FAM107B: variants seen among roughly 807,000 people sequenced by gnomAD.
The protein encoded by FAM107B is family with sequence similarity 107 member B, also known as protein FAM107B.
A neutral mutation model predicts 31.5 loss-of-function variants in FAM107B; 21 were observed. The ratio of observed to expected loss-of-function variants is 0.67; its 90% CI spans 0.47 to 0.96. The LOEUF (loss-of-function observed/expected upper bound fraction) is 0.96. FAM107B is among the 40% of genes least tolerant of loss of function. FAM107B has a pLI of 0.00. For synonymous variants in FAM107B, 157 were observed against 141.5 expected, an observed-to-expected ratio of 1.11 and a Z score of -0.78; for missense variants, 452 against 377.1, an observed-to-expected ratio of 1.20 and a Z score of -1.64.
chr10:14,587,465 C>T (rs765369570), intron 2 of FAM107B, among the ~76,000 whole-genome samples: 27 of 152,178 alleles, frequency 1.8e-4, no homozygotes, highest in Non-Finnish European at 3.4e-4. Context: ...AGTTCTCATA[C>T]ATTTAAATAA....
At chr10:14,761,651 G>T (rs1833049857) in intron 1 of FAM107B, among the ~76,000 whole-genome samples, 1 of 152,032 alleles carries the variant, frequency 6.6e-6, no homozygotes, top group South Asian at 2.1e-4. Context: ...CCAGGCTGGA[G>T]TGCAGTGGTG....
In FAM107B at chr10:14,739,489, G is replaced by T. The variant is rs763218515; in HGVS notation, c.411+34764C>A. On this transcript the variant is annotated intron_variant, in intron 1 of 4. Transcript: ENST00000181796. Reference sequence around the variant, plus strand: ...TCCAGCTTTCTTCTGATAACAGCACGTTGGGGAAACTTACTGCCTCAGCTC... The same window carrying T: ...TCCAGCTTTCTTCTGATAACAGCACTTTGGGGAAACTTACTGCCTCAGCTC... Among the ~76,000 whole-genome samples the T allele has an allele frequency of 1.6e-4, 25 of 152,306 alleles. 1 individual carries two copies. In the East Asian group the frequency reaches 4.0e-3, roughly 25 times the overall value.
At chr10:14,582,948 G>C (rs10906705) in intron 2 of FAM107B, among the ~76,000 whole-genome samples, 1 of 151,728 alleles carries the variant, frequency 6.6e-6, no homozygotes, top group Non-Finnish European at 1.5e-5. Context: ...TAGCCGGGCA[G>C]AGTGGCGTGC....
At chr10:14,697,802 A>C (rs759264657) in intron 1 of FAM107B, among the ~76,000 whole-genome samples, 4 of 152,190 alleles carry the variant, frequency 2.6e-5, no homozygotes, top group Non-Finnish European at 5.9e-5. Flanking sequence ...ATGGTGACCC[A>C]GCCCCAACTC....
chr10:14,641,726 C>T (rs1853633163), intron 2 of FAM107B, among the ~76,000 whole-genome samples: 1 of 152,228 alleles, frequency 6.6e-6, no homozygotes, highest in Non-Finnish European at 1.5e-5. Flanking sequence ...CCCAAATGCC[C>T]TATCTCCAAA....
intron 2 of FAM107B, among the ~76,000 whole-genome samples, chr10:14,560,328 A>C (rs1436940619): frequency 1.3e-5 from 2 of 152,182 alleles, no homozygotes; most frequent in Admixed American, 1.3e-4. Context: ...CTTTCTGTAA[A>C]AACTAAACCA....
rs553169502 is a variant in FAM107B, at chr10:14,531,984, C to T, written c.470-1469G>A. 8.9e-4 allele frequency among the ~76,000 whole-genome samples: 135 copies of T among 152,310 alleles called. 2 individuals are homozygous for T. The South Asian group carries it at 0.018, about 20-fold the overall frequency. On this transcript the variant is annotated intron_variant, in intron 2 of 4. Coordinates refer to ENST00000181796, the MANE Select transcript of FAM107B (RefSeq NM_031453.4). Reference sequence around the variant, plus strand: ...ACTTGGCTCCAAATAAATCTAACTGCGATTTCTCTAAGTTTTAGTGCTTGT... The same window carrying T: ...ACTTGGCTCCAAATAAATCTAACTGTGATTTCTCTAAGTTTTAGTGCTTGT...
At chr10:14,563,279 C>T (rs186444163) in intron 2 of FAM107B, among the ~76,000 whole-genome samples, 11 of 152,288 alleles carry the variant, frequency 7.2e-5, no homozygotes, top group African/African-American at 2.6e-4. Context: ...AAGCAATGTG[C>T]TGATCACACA....
intron 2 of FAM107B, among the ~76,000 whole-genome samples, chr10:14,578,024 ATG>A (rs1851517749): frequency 6.6e-6 from 1 of 152,108 alleles, no homozygotes; most frequent in East Asian, 1.9e-4. Flanking sequence ...ACCCATTTTC[ATG>A]TTTAAATAAG....
At chr10:14,738,890 A>G (rs1310758429) in intron 1 of FAM107B, among the ~76,000 whole-genome samples, 1 of 152,144 alleles carries the variant, frequency 6.6e-6, no homozygotes, top group Non-Finnish European at 1.5e-5. Context: ...CAATGAATTT[A>G]TTTTGCTCAC....
chr10:14,682,812 G>C (rs1468614498), intron 1 of FAM107B, among the ~76,000 whole-genome samples: 1 of 151,794 alleles, frequency 6.6e-6, no homozygotes, highest in Non-Finnish European at 1.5e-5. Flanking sequence ...GATGGGTACA[G>C]CAAACCACTA....
chr10:14,521,770 G>GTATA (rs1450535704), intron 4 of FAM107B, 99 bp downstream of exon 4: 1 of 1,483,232 alleles, frequency 6.7e-7, no homozygotes, highest in African/African-American at 1.4e-5. Context: ...TGGTATAAAT[G>GTATA]TATACACTGG....
chr10:14,636,532 C>G (rs1853504544), intron 2 of FAM107B, among the ~76,000 whole-genome samples: 1 of 152,122 alleles, frequency 6.6e-6, no homozygotes, highest in African/African-American at 2.4e-5. Context: ...CACTACATCT[C>G]TTGTGTGTCT....
chr10:14,607,559 C>G (rs547201644), intron 2 of FAM107B, among the ~76,000 whole-genome samples: 1 of 152,328 alleles, frequency 6.6e-6, no homozygotes, highest in South Asian at 2.1e-4. Flanking sequence ...GAATAAGCCT[C>G]GTACTTCCCA....
At chr10:14,583,192 C>T (rs1851708890) in intron 2 of FAM107B, among the ~76,000 whole-genome samples, 1 of 151,800 alleles carries the variant, frequency 6.6e-6, no homozygotes, top group Non-Finnish European at 1.5e-5. Context: ...ATAAATCATA[C>T]TATTACTATT....
chr10:14,577,715 T>G (rs1851508651), intron 2 of FAM107B, among the ~76,000 whole-genome samples: 1 of 152,174 alleles, frequency 6.6e-6, no homozygotes, highest in Non-Finnish European at 1.5e-5. Flanking sequence ...AACCTCTGCT[T>G]ATAACGTAAC....
chr10:14,632,295 ACT>A (rs1253369076), intron 2 of FAM107B, among the ~76,000 whole-genome samples: 2 of 94,106 alleles, frequency 2.1e-5, no homozygotes, highest in Non-Finnish European at 3.9e-5. Flanking sequence ...ACAGAGCGAG[ACT>A]CTGTCTCAAA....
chr10:14,535,007 G>A (rs1338541174), intron 2 of FAM107B: 1 of 152,314 alleles, frequency 6.6e-6, no homozygotes. Context: ...TTTCCTCTCT[G>A]AGCAACAAGG....
Position 14,767,055 on chromosome 10 carries a change from T to TAGAGAGAGAGAGAG in FAM107B, c.411+7184_411+7197dup, listed in dbSNP as rs1186875187. On this transcript the variant is annotated intron_variant, in intron 1 of 4. Transcript: ENST00000181796. ...ATATATATATATATATATATATATATAGAGAGAGAGAGAGAGAGAGAGAGA... is the reference window on the plus strand; with the variant it reads ...ATATATATATATATATATATATATATAGAGAGAGAGAGAGAGAGAGAGAGAGAGAGAGAGAGAGA... 4.4e-4 allele frequency among the ~76,000 whole-genome samples: 8 copies of TAGAGAGAGAGAGAG among 18,280 alleles called. 1 individual carries two copies. The highest frequency in any genetic ancestry group is 3.8e-3 in the East Asian group (1 of 260). The allele number at this position is 18,280 out of a possible 152,430, so 12.0% of individuals were successfully genotyped here.
Sources: allele counts gnomAD v4.1 joint callset (sites outside exome capture counted in the v4.1 genomes callset), GRCh38; gene constraint gnomAD v4.1.1; transcripts MANE v1.5; gene names NCBI Gene and HGNC (gene_info 2026-07-23, HGNC 2026-07-21).